The following NIN variants were observed in gnomAD, a reference collection of about 807,000 sequenced individuals.
NIN encodes glycogen synthase kinase 3 beta-interacting protein.
In NIN, 137 loss-of-function variants were observed where a neutral mutation model predicts 257.6. The ratio of observed to expected loss-of-function variants is 0.53; its 90% CI spans 0.46 to 0.61. The LOEUF is 0.61. NIN is among the 20% of genes least tolerant of loss of function. The pLI, the probability that NIN is intolerant of heterozygous loss-of-function variation, is 0.00. For synonymous variants in NIN, 918 were observed against 919.8 expected (o/e 1.00, Z 0.04); for missense variants, 2,439 against 2,501.2 (o/e 0.98, Z 0.53).
intron 24 of NIN, among the ~76,000 whole-genome samples, chr14:50,743,184 G>C (rs1390023418): frequency 6.6e-6 from 1 of 151,504 alleles, no homozygotes; most frequent in African/African-American, 2.4e-5. Context: ...TGGCCAGGCT[G>C]ATCTCGAACT....
intron 7 of NIN, among the ~76,000 whole-genome samples, chr14:50,775,598 T>A (rs973975678): frequency 6.6e-6 from 1 of 152,202 alleles, no homozygotes; most frequent in East Asian, 1.9e-4. Context: ...GTAAAAGTTA[T>A]ATTCTATGAG....
chr14:50,802,773 A>G (rs1268460671), intron 4 of NIN, among the ~76,000 whole-genome samples: 1 of 152,232 alleles, frequency 6.6e-6, no homozygotes, highest in Non-Finnish European at 1.5e-5. Context: ...GTCATGATAT[A>G]TAAGATCACC....
intron 26 of NIN, 123 bp from the exon 27 acceptor site, chr14:50,738,409 G>C: frequency 1.2e-6 from 1 of 811,384 alleles, no homozygotes; most frequent in Non-Finnish European, 1.9e-6. Context: ...TTTCAATCAA[G>C]CCTGTAAATA....
At chr14:50,825,749 C>T (rs932168328) in intron 2 of NIN, among the ~76,000 whole-genome samples, 12 of 152,226 alleles carry the variant, frequency 7.9e-5, no homozygotes, top group African/African-American at 2.9e-4. Context: ...CACTTATCTC[C>T]ACCTTTATGT....
chr14:50,806,661 A>G, intron 4 of NIN, 76 bp downstream of exon 4: 3 of 771,720 alleles, frequency 3.9e-6, no homozygotes, highest in South Asian at 3.2e-5. Context: ...CTTCATATAC[A>G]TGCTTCAAGG....
In NIN at chr14:50,778,793, C is replaced by T. The variant is rs547438612; in HGVS notation, c.447G>A (p.Thr149=). ...CCGCTTCATACTCCTCACTGCGTTG[C>T]GTCTTCCAGTGCTAGAGAAGGCAAG... ...PAGDCSEHWK[T]QRSEEYEAEG... is the part of the protein sequence containing the mutation. Residue 149 remains threonine, a synonymous_variant, in exon 6 of 31, where the codon ACG becomes ACA. Coordinates refer to ENST00000530997, the MANE Select transcript of NIN (RefSeq NM_020921.4). 1.1e-3 allele frequency: 1,817 copies of T among 1,614,040 alleles called. 32 individuals are homozygous for T. In the South Asian group the frequency reaches 0.018, roughly 16 times the overall value.
intron 29 of NIN, 101 bp downstream of exon 29, chr14:50,729,422 A>C: frequency 8.8e-7 from 1 of 1,140,538 alleles, no homozygotes; most frequent in Non-Finnish European, 1.2e-6. Context: ...GGTGTGTGCC[A>C]TTAGATTTAG....
At chr14:50,829,228 C>G (rs1257999109) in intron 2 of NIN, among the ~76,000 whole-genome samples, 2 of 152,324 alleles carry the variant, frequency 1.3e-5, no homozygotes, top group Middle Eastern at 6.8e-3. Context: ...TTTCAGCCAG[C>G]CTGTAATGTT....
chr14:50,761,524 G>C (rs111717063), intron 16 of NIN, among the ~76,000 whole-genome samples: 12 of 152,250 alleles, frequency 7.9e-5, no homozygotes, highest in African/African-American at 2.6e-4. Context: ...GTTTCACTGA[G>C]ATGTTTTTAA....
intron 25 of NIN, 87 bp downstream of exon 25, chr14:50,741,495 T>A: frequency 9.9e-7 from 1 of 1,008,302 alleles, no homozygotes; most frequent in Non-Finnish European, 1.4e-6. Flanking sequence ...TGTACATACA[T>A]ATACACATAA....
chr14:50,806,716 A>G, intron 4 of NIN, 21 bp downstream of exon 4: 1 of 1,399,806 alleles, frequency 7.1e-7, no homozygotes, highest in East Asian at 2.3e-5. Context: ...GAAGGCAGAG[A>G]AGAGAAGTGA....
At chr14:50,750,823 A>C (rs143970748) in intron 21 of NIN, among the ~76,000 whole-genome samples, 164 of 152,316 alleles carry the variant, frequency 1.1e-3, no homozygotes, top group Non-Finnish European at 1.5e-4. Flanking sequence ...AGTCAGAGCT[A>C]TACGAAAAGA....
chr14:50,741,861 C>T, intron 24 of NIN, 133 bp from the exon 25 acceptor site: 9 of 917,904 alleles, frequency 9.8e-6, no homozygotes, highest in Non-Finnish European at 1.1e-5. Flanking sequence ...GCTTTCTTGT[C>T]AGTAGCTCAG....
At position 50,730,934 on chromosome 14, in the gene NIN, A is replaced by G. The variant is rs76592633; in HGVS notation, c.5878-1211T>C. 1,206 of 1,347,604 alleles carry G rather than the reference A, an allele frequency of 8.9e-4. 11 individuals are homozygous for G. The African/African-American group carries it at 0.015, about 17-fold the overall frequency. 83.5% of individuals were successfully genotyped at this position (1,347,604 alleles called of 1,614,324 possible). ...AGAGAATGTTCTACCTTCACACACT[A>G]TCTCAGGCAGAGAACTGCACCCTTC... On this transcript the variant is annotated intron_variant, in intron 28 of 30. Transcript: ENST00000530997.
intron 20 of NIN, 152 bp from the exon 21 acceptor site, chr14:50,752,885 T>G (rs2041853859): frequency 2.0e-6 from 1 of 508,732 alleles, no homozygotes; most frequent in Non-Finnish European, 3.4e-6. Context: ...ACACACTCAT[T>G]ATTACAAATT....
rs758987062 is a variant in NIN, at chr14:50,738,159, T to G, written c.5756A>C (p.Gln1919Pro). The change falls in exon 27 of 31, where the codon CAA (glutamine) becomes CCA (proline). Residue 1919 changes from glutamine to proline, a missense_variant. Physicochemically the swap from Gln to Pro is moderately conservative, Grantham distance 76. Around this residue, in one of 3 missense-constraint regions of NIN, gnomAD observed 2,043 missense variants for 2,050.2 expected, o/e 1.00. Coordinates refer to ENST00000530997, the MANE Select transcript of NIN (RefSeq NM_020921.4). ...ACTCACCTTCCTGTTAGCAGGAGATTGTTCTTTCTGAAACTGATCACACTC... is the reference window on the plus strand; with the variant it reads ...ACTCACCTTCCTGTTAGCAGGAGATGGTTCTTTCTGAAACTGATCACACTC... ...KRECDQFQKEQSPANRKVSQM... is the reference protein window; with the variant it reads ...KRECDQFQKEPSPANRKVSQM... The G allele has an allele frequency of 3.7e-6, 6 of 1,614,040 alleles. No individual in the cohort carries two copies. In the South Asian group the frequency reaches 5.5e-5, roughly 15 times the overall value.
chr14:50,748,148 T>C (rs1251745940), intron 21 of NIN, 43 bp from the exon 22 acceptor site: 1 of 1,354,864 alleles, frequency 7.4e-7, no homozygotes, highest in Non-Finnish European at 1.1e-6. Context: ...CATACATATT[T>C]AGGCTGGGGA....
At chr14:50,807,629 G>A (rs2044389169) in intron 3 of NIN, among the ~76,000 whole-genome samples, 1 of 152,122 alleles carries the variant, frequency 6.6e-6, no homozygotes, top group Admixed American at 6.5e-5. Flanking sequence ...ATACAAAACT[G>A]GTAAATTTGT....
rs747680111 is a variant in NIN, at chr14:50,758,547, CT to C, written c.2482del (p.Arg828GlyfsTer17). 1 of 1,613,412 alleles carries C rather than the reference CT, an allele frequency of 6.2e-7. No individual in the cohort carries two copies. Among genetic ancestry groups the C allele is most frequent in the Non-Finnish European group, 8.5e-7 (1 of 1,179,756 alleles). On this transcript the variant is annotated frameshift_variant, in exon 18 of 31. Coordinates refer to ENST00000530997, the MANE Select transcript of NIN (RefSeq NM_020921.4). LOFTEE classifies it high-confidence loss of function. The part of the protein sequence containing the change: ...FQSDCQKVTE[R>X]CESALQSLEG... The stretch of plus-strand genomic sequence containing the variant: ...CAGGCTTTGCAGAGCGCTTTCACAC[CT>C]CTCAGTGACTTTCTGACAATCAGAC...
Sources: allele counts gnomAD v4.1 joint callset (sites outside exome capture counted in the v4.1 genomes callset), GRCh38; gene constraint gnomAD v4.1.1; regional missense constraint gnomAD v4.1.1; transcripts MANE v1.5; gene names NCBI Gene and HGNC (gene_info 2026-07-23, HGNC 2026-07-21).